The following SMOC1 variants were observed in gnomAD, a reference collection of about 807,000 sequenced individuals.
The protein encoded by SMOC1 is SPARC-related modular calcium-binding protein 1.
Under a neutral mutation model 56.3 loss-of-function variants are expected in SMOC1, and 22 were observed. That is an observed-to-expected ratio of 0.39 (90% CI 0.28 to 0.56). The LOEUF is 0.56. Among genes scored for constraint, SMOC1 ranks in the 20% least tolerant of loss-of-function variants. SMOC1 has a pLI of 0.61. For missense variants in SMOC1, 509 were observed against 565.4 expected, an observed-to-expected ratio of 0.90 and a Z score of 1.01; for synonymous variants, 193 against 215.0, an observed-to-expected ratio of 0.90 and a Z score of 0.89.
At chr14:69,961,157 T>C (rs1883355778) in intron 3 of SMOC1, among the ~76,000 whole-genome samples, 1 of 151,458 alleles carries the variant, frequency 6.6e-6, no homozygotes, top group African/African-American at 2.4e-5. Context: ...GGAATAATAA[T>C]ATGTGGTCCT....
intron 7 of SMOC1, among the ~76,000 whole-genome samples, chr14:69,999,668 G>A (rs1460039023): frequency 1.3e-5 from 2 of 152,184 alleles, no homozygotes; most frequent in Admixed American, 6.5e-5. Context: ...TGGGGATGGG[G>A]GATGGGTGGT....
chr14:69,879,514 G>C lies in SMOC1; in HGVS notation c.-165G>C, dbSNP rs1007047066. 1 of 482,472 alleles carries C rather than the reference G, an allele frequency of 2.1e-6. No individual in the cohort carries two copies. The highest frequency in any genetic ancestry group is 3.4e-6 in the Non-Finnish European group (1 of 290,190). 29.9% of individuals were successfully genotyped at this position (482,472 alleles called of 1,614,324 possible). A position where few individuals can be genotyped will look rare whatever the true frequency, so the allele number is the denominator to read the frequency against. ...CCAGCTCCCCTCCTGCGCGGTTCAT[G>C]ACTGTGTCCCCTGACCGCAGCCTCT... On this transcript the variant is annotated 5_prime_UTR_variant, in exon 1 of 12. It removes an upstream start codon present in the reference 5' UTR. Transcript: ENST00000361956.
chr14:69,944,816 T>A (rs1484337076), intron 1 of SMOC1, among the ~76,000 whole-genome samples: 1 of 152,220 alleles, frequency 6.6e-6, no homozygotes, highest in Non-Finnish European at 1.5e-5. Context: ...TCATTGGGAA[T>A]GAATTCCATG....
At chr14:69,959,124 A>G (rs1229666024) in intron 3 of SMOC1, among the ~76,000 whole-genome samples, 1 of 152,162 alleles carries the variant, frequency 6.6e-6, no homozygotes, top group Non-Finnish European at 1.5e-5. Context: ...TAGGACAAGA[A>G]TGGTGTAATG....
chr14:69,924,296 C>G (rs1444553101), intron 1 of SMOC1, among the ~76,000 whole-genome samples: 1 of 152,244 alleles, frequency 6.6e-6, no homozygotes, highest in Non-Finnish European at 1.5e-5. Context: ...ACTGTCTGCA[C>G]TGCTGTCTCT....
intron 10 of SMOC1, among the ~76,000 whole-genome samples, chr14:70,015,874 A>G (rs1469362588): frequency 1.3e-5 from 2 of 152,240 alleles, no homozygotes; most frequent in Admixed American, 6.5e-5. Context: ...ATGCAAAAAC[A>G]GGCATGAAAG....
At chr14:69,906,387 G>A (rs959774271) in intron 1 of SMOC1, among the ~76,000 whole-genome samples, 1 of 152,224 alleles carries the variant, frequency 6.6e-6, no homozygotes, top group African/African-American at 2.4e-5. Flanking sequence ...GAGAAGCCAC[G>A]TGTAGGTCGT....
intron 1 of SMOC1, among the ~76,000 whole-genome samples, chr14:69,930,104 T>TTCTG (rs1325758208): frequency 1.4e-5 from 2 of 146,766 alleles, no homozygotes; most frequent in Non-Finnish European, 1.5e-5. Context: ...GCTGCTTGGC[T>TTCTG]TCTGGATCAT....
At chr14:69,964,757 T>G (rs1185999706) in intron 3 of SMOC1, among the ~76,000 whole-genome samples, 11 of 152,176 alleles carry the variant, frequency 7.2e-5, no homozygotes, top group Non-Finnish European at 1.3e-4. Context: ...CTGACACATG[T>G]TAAGTTATTC....
chr14:69,933,782 T>A (rs1424681511), intron 1 of SMOC1, among the ~76,000 whole-genome samples: 2 of 152,226 alleles, frequency 1.3e-5, no homozygotes, highest in East Asian at 3.8e-4. Context: ...CCTCCCATAG[T>A]GCTGGAATTA....
intron 7 of SMOC1, among the ~76,000 whole-genome samples, chr14:69,996,643 A>C (rs1384552776): frequency 6.6e-6 from 1 of 152,208 alleles, no homozygotes; most frequent in Admixed American, 6.5e-5. Flanking sequence ...TGGCCTGGCC[A>C]CGTTTATTTT....
chr14:70,005,433 T>C (rs552355610), intron 7 of SMOC1, among the ~76,000 whole-genome samples: 1 of 152,276 alleles, frequency 6.6e-6, no homozygotes, highest in East Asian at 1.9e-4. Flanking sequence ...AGGGTTCATG[T>C]TTGTCTGGTC....
chr14:69,889,823 TG>T (rs1428741010), intron 1 of SMOC1, among the ~76,000 whole-genome samples: 1 of 152,230 alleles, frequency 6.6e-6, no homozygotes, highest in Non-Finnish European at 1.5e-5. Flanking sequence ...CCTCGGCTTG[TG>T]GCCCCTTCCA....
At chr14:70,006,075 A>G (rs894193910) in intron 7 of SMOC1, among the ~76,000 whole-genome samples, 2 of 152,164 alleles carry the variant, frequency 1.3e-5, no homozygotes, top group Non-Finnish European at 2.9e-5. Flanking sequence ...AAGAAAACTG[A>G]TAGATGTGAA....
intron 3 of SMOC1, among the ~76,000 whole-genome samples, chr14:69,958,118 G>A (rs549080029): frequency 6.6e-6 from 1 of 152,270 alleles, no homozygotes; most frequent in Admixed American, 6.5e-5. Flanking sequence ...AAGCAAAACT[G>A]AGCATGGTGG....
At chr14:70,001,999 T>C (rs994270368) in intron 7 of SMOC1, among the ~76,000 whole-genome samples, 7 of 152,220 alleles carry the variant, frequency 4.6e-5, no homozygotes, top group African/African-American at 1.7e-4. Flanking sequence ...GATAGGCACT[T>C]ACTACTGCTT....
rs1885152833 is a variant in SMOC1 at position 69,931,053 on chromosome 14, C to A, written c.100-21085C>A. ...TTCTGCCCTCTGTGGCCAGAACAAGCAGCTGAAAACATCAGTTTTATGGAG... is the reference window on the plus strand; with the variant it reads ...TTCTGCCCTCTGTGGCCAGAACAAGAAGCTGAAAACATCAGTTTTATGGAG... On this transcript the variant is annotated intron_variant, in intron 1 of 11. Coordinates refer to ENST00000361956, the MANE Select transcript of SMOC1 (RefSeq NM_001034852.3). Among the ~76,000 whole-genome samples the A allele has an allele frequency of 2.6e-5, 4 of 152,178 alleles. No homozygotes were observed. The South Asian group carries it at 8.3e-4, about 32-fold the overall frequency.
At chr14:69,903,542 A>C (rs565496633) in intron 1 of SMOC1, among the ~76,000 whole-genome samples, 15 of 152,346 alleles carry the variant, frequency 9.8e-5, no homozygotes, top group African/African-American at 3.6e-4. Flanking sequence ...AGGAGACTCC[A>C]TTTTGTTCTG....
At chr14:70,017,695 C>T (rs565072931) in intron 10 of SMOC1, among the ~76,000 whole-genome samples, 1 of 152,144 alleles carries the variant, frequency 6.6e-6, no homozygotes, top group Non-Finnish European at 1.5e-5. Flanking sequence ...CGTTTCAACC[C>T]GCCCCTGGTA....
Sources: gnomAD v4.1 joint callset for allele counts (sites outside exome capture counted in the v4.1 genomes callset) on GRCh38, gnomAD v4.1.1 for gene constraint, MANE v1.5 for transcripts, NCBI Gene and HGNC (gene_info 2026-07-23, HGNC 2026-07-21) for gene names.